The following MAST1 variants were observed in gnomAD, a reference collection of about 807,000 sequenced individuals.
MAST1 encodes the protein microtubule-associated serine/threonine-protein kinase 1.
MAST1 carries 40 observed loss-of-function variants against 124.6 expected under a neutral mutation model. That is an observed-to-expected ratio of 0.32 (90% CI 0.25 to 0.42). MAST1 has a LOEUF of 0.42. MAST1 is among the 10% of genes least tolerant of loss of function. MAST1 has a pLI of 1.00. For synonymous variants in MAST1, 938 were observed against 939.4 expected (o/e 1.00, Z 0.03); for missense variants, 1,558 against 2,181.9 (o/e 0.71, Z 5.70).
In MAST1 at chr19:12,864,715, C is replaced by T. The variant is rs1012999215; in HGVS notation, c.1367-94C>T. 2.6e-5 allele frequency: 39 copies of T among 1,511,496 alleles called. No individual in the cohort carries two copies. In the Admixed American group the frequency reaches 3.5e-4, roughly 13 times the overall value. The allele number at this position is 1,511,496 out of a possible 1,614,324, so 93.6% of individuals were successfully genotyped here. On this transcript the variant is annotated intron_variant, in intron 12 of 25. Coordinates refer to ENST00000251472, the MANE Select transcript of MAST1 (RefSeq NM_014975.3). ...GCCTCAGTTTCCCTTATCTATAAAA[C>T]GGGTACAACATAACATGAGAAGTTG...
rs776894603 is a variant in MAST1, at chr19:12,870,854, G to T, written c.3034G>T (p.Ala1012Ser). The T allele has an allele frequency of 6.2e-7, 1 of 1,613,640 alleles. No individual in the cohort carries two copies. The highest frequency in any genetic ancestry group is 1.3e-5 in the African/African-American group (1 of 74,908). ...HVEEGGPAQE[A>S]GLCAGDLITH... Reference sequence around the variant, plus strand: ...GGAGGAAGGAGGCCCAGCCCAGGAGGCAGGACTCTGTGCTGGGGACCTCAT... The same window carrying T: ...GGAGGAAGGAGGCCCAGCCCAGGAGTCAGGACTCTGTGCTGGGGACCTCAT... Residue 1012 changes from alanine to serine, a missense_variant, in exon 23 of 26, where the codon GCA becomes TCA. Ala to Ser is a moderately conservative substitution (Grantham distance 99). Around this residue, in one of 10 missense-constraint regions of MAST1, gnomAD observed 291 missense variants for 475.8 expected, o/e 0.61. Transcript: ENST00000251472.
At chr19:12,849,290 G>A (rs1042867026) in intron 7 of MAST1, among the ~76,000 whole-genome samples, 1 of 152,090 alleles carries the variant, frequency 6.6e-6, no homozygotes, top group African/African-American at 2.4e-5. Flanking sequence ...TACTTAGGAG[G>A]CTGAGATGGG....
rs1185258495 is a variant in MAST1 at position 12,866,163 on chromosome 19, G to A, written c.2029+61G>A. ...GGTGGGATCCGGGAAGAGGGACCCT[G>A]GGGTAAGTAAAGCCTGGGATAGGGC... On this transcript the variant is annotated intron_variant, in intron 17 of 25. Coordinates refer to ENST00000251472, the MANE Select transcript of MAST1 (RefSeq NM_014975.3). This position sits in a 1 kb window ranked among gnomAD's most constrained non-coding sequence, Gnocchi z 5.2. 1.2e-6 allele frequency: 2 copies of A among 1,605,926 alleles called. No homozygotes were observed. The highest frequency in any genetic ancestry group is 2.7e-5 in the African/African-American group (2 of 74,778).
chr19:12,857,351 C>T (rs1013852374), intron 10 of MAST1, among the ~76,000 whole-genome samples: 3 of 151,950 alleles, frequency 2.0e-5, no homozygotes, highest in African/African-American at 7.3e-5. Flanking sequence ...CCAGGTGATC[C>T]GCCCGCCTTG....
At chr19:12,856,243 C>T (rs1970015944) in intron 10 of MAST1, among the ~76,000 whole-genome samples, 2 of 151,752 alleles carry the variant, frequency 1.3e-5, no homozygotes, top group South Asian at 4.2e-4. Context: ...AATCTTACTC[C>T]TACCTTTTTT....
chr19:12,846,810 G>A (rs754518724), intron 4 of MAST1, among the ~76,000 whole-genome samples: 5 of 147,512 alleles, frequency 3.4e-5, no homozygotes, highest in African/African-American at 7.5e-5. Context: ...CGCGGGAGGC[G>A]GAGGTTGCAG....
In MAST1 at chr19:12,873,718, C is replaced by A; in HGVS notation, c.3561C>A (p.Leu1187=). The A allele has an allele frequency of 6.2e-7, 1 of 1,602,490 alleles. No individual in the cohort carries two copies. Among genetic ancestry groups the A allele is most frequent in the Non-Finnish European group, 8.5e-7 (1 of 1,179,144 alleles). Reference sequence around the variant, plus strand: ...CGCTGCACGGACTGTCGCCAAAGCTCCATCGCCAGTACCGCTCTGCGCGAT... The same window carrying A: ...CGCTGCACGGACTGTCGCCAAAGCTACATCGCCAGTACCGCTCTGCGCGAT... The part of the protein sequence containing the change: ...PSTLHGLSPK[L]HRQYRSARCK... The change falls in exon 26 of 26, where the codon CTC becomes CTA. Residue 1187 remains leucine, a synonymous_variant. Coordinates refer to ENST00000251472, the MANE Select transcript of MAST1 (RefSeq NM_014975.3).
At chr19:12,871,747 C>G (rs1280685900) in intron 24 of MAST1, among the ~76,000 whole-genome samples, 1 of 151,778 alleles carries the variant, frequency 6.6e-6, no homozygotes, top group Admixed American at 6.6e-5. Flanking sequence ...GAGACCCCAT[C>G]TCTACAAAAA....
chr19:12,840,134 G>A (rs10411443), intron 1 of MAST1, among the ~76,000 whole-genome samples: 1 of 151,998 alleles, frequency 6.6e-6, no homozygotes, highest in East Asian at 1.9e-4. Context: ...TGAATGTCAC[G>A]CATAGACTGA....
rs1236094777 is a variant in MAST1 at position 12,874,125 on chromosome 19, C to G, written c.3968C>G (p.Pro1323Arg). 1 of 1,543,896 alleles carries G rather than the reference C, an allele frequency of 6.5e-7. No individual in the cohort carries two copies. ...CCCCCAGTCGAGGGCCTTGGCGCGC[C>G]CCGGCAGGTCGCCGTCCGCCGCCTG... Reference protein sequence around the residue: ...ETPPVEGLGAPRQVAVRRLGR... With the variant: ...ETPPVEGLGARRQVAVRRLGR... The change falls in exon 26 of 26, where the codon CCC becomes CGC. Residue 1323 changes from proline (P) to arginine (R), a missense_variant. By Grantham distance (103) the Pro-to-Arg change is moderately radical. Coordinates refer to ENST00000251472, the MANE Select transcript of MAST1 (RefSeq NM_014975.3). This position sits in a 1 kb window ranked among gnomAD's most constrained non-coding sequence, Gnocchi z 6.6.
intron 4 of MAST1, among the ~76,000 whole-genome samples, chr19:12,845,079 A>T (rs1157703258): frequency 6.6e-6 from 1 of 152,004 alleles, no homozygotes; most frequent in Non-Finnish European, 1.5e-5. Flanking sequence ...AAGCGGGTGG[A>T]TCATTTGAGG....
chr19:12,843,394 C>T lies in MAST1; in HGVS notation c.249-135C>T. On this transcript the variant is annotated intron_variant, in intron 3 of 25. Coordinates refer to ENST00000251472, the MANE Select transcript of MAST1 (RefSeq NM_014975.3). The surrounding 1 kb of genome is among the most constrained non-coding windows in gnomAD (Gnocchi z 4.9). ...CTCTTTATCCCCTTGATTCTGAGGGCCTTGAGGAATCTTAGAGTGCAGATA... is the reference window on the plus strand; with the variant it reads ...CTCTTTATCCCCTTGATTCTGAGGGTCTTGAGGAATCTTAGAGTGCAGATA... 1.7e-6 allele frequency: 1 copy of T among 589,728 alleles called. No individual in the cohort carries two copies. The highest frequency in any genetic ancestry group is 3.0e-6 in the Non-Finnish European group (1 of 335,666). 36.5% of individuals were successfully genotyped at this position (589,728 alleles called of 1,614,324 possible). A position where few individuals can be genotyped will look rare whatever the true frequency, so the allele number is the denominator to read the frequency against.
intron 24 of MAST1, among the ~76,000 whole-genome samples, chr19:12,871,934 A>G (rs1970240610): frequency 6.6e-6 from 1 of 151,380 alleles, no homozygotes. Flanking sequence ...AAAAAAAAAA[A>G]AAAGAGGGGC....
chr19:12,842,369 T>G (rs4804738), intron 3 of MAST1, among the ~76,000 whole-genome samples: 41,066 of 151,628 alleles, frequency 0.27, 6,146 homozygotes, highest in East Asian at 0.61. Context: ...CTCGGCTCAC[T>G]GCAATTTCCG....
chr19:12,864,720 A>T (rs1164613163), intron 12 of MAST1, 89 bp from the exon 13 acceptor site: 5 of 1,536,288 alleles, frequency 3.3e-6, no homozygotes, highest in Admixed American at 1.7e-5. Flanking sequence ...TAAAACGGGT[A>T]CAACATAACA....
In MAST1 at chr19:12,847,585, C is replaced by T; in HGVS notation, c.489-27C>T. ...TCTGCGGGCTTGGAGGCAGAGGACT[C>T]GACAAAATGGGCTTCTCTCCCCGCA... is the stretch of plus-strand genomic sequence containing the variant. On this transcript the variant is annotated intron_variant, in intron 5 of 25. Coordinates refer to ENST00000251472, the MANE Select transcript of MAST1 (RefSeq NM_014975.3). The surrounding 1 kb of genome is among the most constrained non-coding windows in gnomAD (Gnocchi z 5.5). The T allele has an allele frequency of 6.2e-7, 1 of 1,613,988 alleles. No individual in the cohort carries two copies. Among genetic ancestry groups the T allele is most frequent in the Non-Finnish European group, 8.5e-7 (1 of 1,179,920 alleles).
Position 12,867,741 on chromosome 19 carries a change from C to T in MAST1, c.2330C>T (p.Ser777Phe), listed in dbSNP as rs1320886870. 2 of 1,532,994 alleles carry T rather than the reference C, an allele frequency of 1.3e-6. No individual in the cohort carries two copies. Among genetic ancestry groups the T allele is most frequent in the Non-Finnish European group, 1.8e-6 (2 of 1,140,530 alleles). 95.0% of individuals were successfully genotyped at this position (1,532,994 alleles called of 1,614,324 possible). The part of the protein sequence containing the change: ...RGGSPEIKRF[S>F]ASEASFLEGE... ...CCCCCTCCATGCAGCAAGCGATTCT[C>T]CGCGTCCGAGGCCAGTTTCCTGGAG... The change falls in exon 20 of 26, where the codon TCC becomes TTC. Residue 777 changes from serine to phenylalanine, a missense_variant. By Grantham distance (155) the Ser-to-Phe change is radical. This residue lies in a region of MAST1 where 287 missense variants were observed against 308.0 expected (regional missense o/e 0.93). Transcript: ENST00000251472.
Position 12,874,275 on chromosome 19 carries a change from G to C in MAST1, c.4118G>C (p.Arg1373Pro), listed in dbSNP as rs1163361599. 1 of 1,585,266 alleles carries C rather than the reference G, an allele frequency of 6.3e-7. No homozygotes were observed. The highest frequency in any genetic ancestry group is 8.5e-7 in the Non-Finnish European group (1 of 1,171,478). The change falls in exon 26 of 26, where the codon CGC (arginine) becomes CCC (proline). Residue 1373 changes from arginine to proline, a missense_variant. Physicochemically the swap from Arg to Pro is moderately radical, Grantham distance 103. This residue lies in a region of MAST1 where 263 missense variants were observed against 310.9 expected (regional missense o/e 0.85). Transcript: ENST00000251472. This position sits in a 1 kb window ranked among gnomAD's most constrained non-coding sequence, Gnocchi z 6.6. The part of the protein sequence containing the change: ...PGGAEACTPP[R>P]ATTPGGRTLE... ...GGCGCCGAGGCGTGCACCCCACCCC[G>C]CGCGACGACCCCCGGTGGCCGGACC... is the stretch of plus-strand genomic sequence containing the variant.
rs1390682293 is a variant in MAST1, at chr19:12,873,420, C to T, written c.3360C>T (p.Ser1120=). ...SLSSLNRSLS[S]SDSLPGSPTH... is the part of the protein sequence containing the mutation. Reference sequence around the variant, plus strand: ...CGTCGCTGAACCGCTCGCTGTCATCCAGCGATAGTCTCCCGGGCTCGCCTA... The same window carrying T: ...CGTCGCTGAACCGCTCGCTGTCATCTAGCGATAGTCTCCCGGGCTCGCCTA... The change falls in exon 25 of 26, where the codon TCC becomes TCT. Residue 1120 remains serine (S), a synonymous_variant. Coordinates refer to ENST00000251472, the MANE Select transcript of MAST1 (RefSeq NM_014975.3). 17 of 1,613,658 alleles carry T rather than the reference C, an allele frequency of 1.1e-5. No homozygotes were observed. The highest frequency in any genetic ancestry group is 1.6e-4 in the Middle Eastern group (1 of 6,084).
Sources: gnomAD v4.1 joint callset for allele counts (sites outside exome capture counted in the v4.1 genomes callset) on GRCh38, gnomAD v4.1.1 for gene constraint, gnomAD v4.1.1 regional missense constraint, Gnocchi (gnomAD v3.1) non-coding constraint, MANE v1.5 for transcripts, NCBI Gene and HGNC (gene_info 2026-07-23, HGNC 2026-07-21) for gene names.